The following TCF12 variants were observed in gnomAD, a reference collection of about 807,000 sequenced individuals.
TCF12 encodes the protein transcription factor 12.
A neutral mutation model predicts 86.0 loss-of-function variants in TCF12; 45 were observed. The observed-to-expected ratio is 0.52, with a 90% CI of 0.41 to 0.67. The LOEUF is 0.67. TCF12 is among the 30% of genes least tolerant of loss of function. TCF12 has a pLI of 0.00. For missense variants in TCF12, 881 were observed against 859.9 expected (o/e 1.02, Z -0.31); for synonymous variants, 330 against 299.6 (o/e 1.10, Z -1.05).
chr15:57,252,004 G>A (rs16977349), intron 14 of TCF12, among the ~76,000 whole-genome samples: 3,224 of 152,310 alleles, frequency 0.021, 48 homozygotes, highest in Non-Finnish European at 0.032. Flanking sequence ...ATTTGTGGGA[G>A]AATGTTGACT....
At position 57,205,213 on chromosome 15, in the gene TCF12, G is replaced by C. The variant is rs148971176; in HGVS notation, c.579+7388G>C. On this transcript the variant is annotated intron_variant, in intron 8 of 20. Coordinates refer to ENST00000333725, the MANE Select transcript of TCF12 (RefSeq NM_207037.2). ...CTATAGTCCCAGCTACTCTGAGAGA[G>C]CGTTGCTTGAACCCTAGAGGTTGAG... 2.5e-3 allele frequency among the ~76,000 whole-genome samples: 378 copies of C among 152,088 alleles called. 1 individual carries two copies. Among genetic ancestry groups the C allele is most frequent in the Middle Eastern group, 0.01 (3 of 294 alleles).
intron 3 of TCF12, among the ~76,000 whole-genome samples, chr15:57,057,655 A>G (rs1440734068): frequency 6.6e-6 from 1 of 152,192 alleles, no homozygotes; most frequent in East Asian, 1.9e-4. Context: ...AACCTGTAAA[A>G]CATTGTAGAC....
intron 8 of TCF12, among the ~76,000 whole-genome samples, chr15:57,200,875 A>C (rs1457839081): frequency 6.6e-6 from 1 of 152,212 alleles, no homozygotes; most frequent in Non-Finnish European, 1.5e-5. Flanking sequence ...TATAGTCAGT[A>C]ACATTAAGTG....
At chr15:57,220,996 T>C (rs2058564393) in intron 8 of TCF12, among the ~76,000 whole-genome samples, 1 of 152,180 alleles carries the variant, frequency 6.6e-6, no homozygotes, top group African/African-American at 2.4e-5. Context: ...TGGTTGTCTC[T>C]TCCCTTTTCA....
intron 3 of TCF12, among the ~76,000 whole-genome samples, chr15:56,926,992 G>A (rs995695550): frequency 1.3e-5 from 2 of 152,138 alleles, no homozygotes; most frequent in Non-Finnish European, 2.9e-5. Context: ...TCTAGGATGA[G>A]CTGGTGAAGG....
At chr15:56,950,003 A>G (rs1305972161) in intron 3 of TCF12, among the ~76,000 whole-genome samples, 9 of 152,230 alleles carry the variant, frequency 5.9e-5, no homozygotes, top group African/African-American at 2.2e-4. Flanking sequence ...ATTTTTAGCA[A>G]CTATTTAGCA....
intron 13 of TCF12, chr15:57,247,596 T>G (rs1597611365): frequency 2.4e-6 from 2 of 834,790 alleles, no homozygotes; most frequent in Admixed American, 3.4e-5. Flanking sequence ...GCGGTTTCAA[T>G]CTTGCCATAC....
chr15:57,280,413 T>C (rs2061633747), intron 19 of TCF12, among the ~76,000 whole-genome samples: 1 of 152,194 alleles, frequency 6.6e-6, no homozygotes, highest in African/African-American at 2.4e-5. Context: ...ATACAGGGGC[T>C]TAGAAAATTA....
chr15:57,231,843 A>G (rs1369244988), intron 9 of TCF12, among the ~76,000 whole-genome samples: 1 of 152,182 alleles, frequency 6.6e-6, no homozygotes, highest in Non-Finnish European at 1.5e-5. Flanking sequence ...GCTAACTATA[A>G]TATGGTAATT....
At chr15:57,077,723 C>T (rs1264378810) in intron 4 of TCF12, among the ~76,000 whole-genome samples, 4 of 147,056 alleles carry the variant, frequency 2.7e-5, no homozygotes, top group African/African-American at 9.9e-5. Context: ...TGAGCTACCA[C>T]ACCTGGCGGA....
At chr15:57,064,091 G>A (rs1250854676) in intron 4 of TCF12, among the ~76,000 whole-genome samples, 1 of 152,072 alleles carries the variant, frequency 6.6e-6, no homozygotes, top group African/African-American at 2.4e-5. Flanking sequence ...ATGCATAAGT[G>A]CTCTCCATAT....
chr15:57,044,510 T>TGAATGA (rs1872432915), intron 3 of TCF12, among the ~76,000 whole-genome samples: 1 of 152,218 alleles, frequency 6.6e-6, no homozygotes, highest in South Asian at 2.1e-4. Context: ...GGGCATATAT[T>TGAATGA]CTACCTGTTG....
chr15:57,069,109 G>A (rs932790653), intron 4 of TCF12, among the ~76,000 whole-genome samples: 5 of 152,162 alleles, frequency 3.3e-5, no homozygotes, highest in African/African-American at 9.7e-5. Context: ...AAGCTCTGGA[G>A]TAGAGTATTA....
intron 6 of TCF12, among the ~76,000 whole-genome samples, chr15:57,170,786 T>G (rs1173707113): frequency 7.0e-5 from 3 of 42,570 alleles, no homozygotes; most frequent in African/African-American, 3.1e-4. Context: ...ATAATATATA[T>G]ATATAATATA....
intron 3 of TCF12, among the ~76,000 whole-genome samples, chr15:57,042,634 G>A (rs556542914): frequency 1.3e-5 from 2 of 152,106 alleles, no homozygotes; most frequent in South Asian, 2.1e-4. Flanking sequence ...AGCTGGTCTC[G>A]AAGTCTTGGC....
intron 3 of TCF12, among the ~76,000 whole-genome samples, chr15:56,998,457 CAAAAAAAA>C (rs71113049): frequency 0.015 from 1,702 of 110,684 alleles, 38 homozygotes; most frequent in African/African-American, 0.058. Flanking sequence ...AACTCTGTCT[CAAAAAAAA>C]AAAAAAAAAA....
At chr15:57,075,120 G>T (rs2069770051) in intron 4 of TCF12, among the ~76,000 whole-genome samples, 1 of 152,136 alleles carries the variant, frequency 6.6e-6, no homozygotes, top group Non-Finnish European at 1.5e-5. Flanking sequence ...ATATTCTGGT[G>T]GTTAGGACTG....
chr15:57,079,005 A>G (rs2070386783), intron 4 of TCF12, among the ~76,000 whole-genome samples: 1 of 152,226 alleles, frequency 6.6e-6, no homozygotes, highest in South Asian at 2.1e-4. Context: ...TGAAAATTTT[A>G]TATTATGTGC....
chr15:57,149,165 G>C (rs2053573793), intron 5 of TCF12, among the ~76,000 whole-genome samples: 1 of 152,158 alleles, frequency 6.6e-6, no homozygotes. Context: ...CATAGTGAGA[G>C]ACAGACCTCT....
Sources: allele counts gnomAD v4.1 joint callset (sites outside exome capture counted in the v4.1 genomes callset), GRCh38; gene constraint gnomAD v4.1.1; transcripts MANE v1.5; gene names NCBI Gene and HGNC (gene_info 2026-07-23, HGNC 2026-07-21).